Variants in RASGRF1 observed in about 807,000 individuals in gnomAD.
RASGRF1 encodes the protein ras-specific guanine nucleotide-releasing factor 1.
RASGRF1 carries 40 observed loss-of-function variants against 138.7 expected under a neutral mutation model. The ratio of observed to expected loss-of-function variants is 0.29; its 90% confidence interval spans 0.22 to 0.38. The LOEUF is 0.38. RASGRF1 is among the 10% of genes least tolerant of loss of function. The pLI is 1.00. For synonymous variants in RASGRF1, 614 were observed against 663.2 expected, an observed-to-expected ratio of 0.93 and a Z score of 1.14; for missense variants, 1,108 against 1,650.4, an observed-to-expected ratio of 0.67 and a Z score of 5.69.
intron 16 of RASGRF1, among the ~76,000 whole-genome samples, chr15:79,000,331 A>T (rs1415184822): frequency 6.6e-6 from 1 of 152,166 alleles, no homozygotes; most frequent in Non-Finnish European, 1.5e-5. Context: ...AACAATTCAT[A>T]CTGATGGGCT....
chr15:79,066,876 G>A (rs898354684), intron 1 of RASGRF1, among the ~76,000 whole-genome samples: 2 of 152,066 alleles, frequency 1.3e-5, no homozygotes, highest in African/African-American at 4.8e-5. Flanking sequence ...TCAGGAAGCC[G>A]GCCGCAGGCT....
chr15:79,081,959 G>C (rs540530783), intron 1 of RASGRF1, among the ~76,000 whole-genome samples: 3 of 152,194 alleles, frequency 2.0e-5, no homozygotes, highest in African/African-American at 7.2e-5. Context: ...CAGAGTCACC[G>C]AGCTTAATGA....
chr15:79,051,901 G>A (rs1292099601), intron 3 of RASGRF1, among the ~76,000 whole-genome samples: 1 of 152,154 alleles, frequency 6.6e-6, no homozygotes, highest in Non-Finnish European at 1.5e-5. Context: ...ATGGTGGTGG[G>A]AGCCCCAGGC....
At chr15:79,082,216 C>A (rs1441860598) in intron 1 of RASGRF1, among the ~76,000 whole-genome samples, 1 of 152,248 alleles carries the variant, frequency 6.6e-6, no homozygotes, top group Non-Finnish European at 1.5e-5. Context: ...TCCTCTCAGC[C>A]TTTCTGGCGC....
At chr15:79,015,462 GC>G in intron 12 of RASGRF1, 53 bp from the exon 13 acceptor site, 1 of 1,504,714 alleles carries the variant, frequency 6.6e-7, no homozygotes, top group Non-Finnish European at 9.2e-7. Context: ...CTGGACCCAG[GC>G]CCACCAGGAG....
chr15:79,048,706 G>A (rs561970266), intron 4 of RASGRF1, among the ~76,000 whole-genome samples: 4 of 152,368 alleles, frequency 2.6e-5, no homozygotes, highest in South Asian at 4.1e-4. Context: ...AGCCCACTGT[G>A]TGGGATGAAA....
chr15:78,983,920 C>T (rs1195708177), intron 23 of RASGRF1, among the ~76,000 whole-genome samples: 2 of 152,180 alleles, frequency 1.3e-5, no homozygotes, highest in Admixed American at 6.5e-5. Flanking sequence ...ATGGGGTGTC[C>T]CTGCATGTTC....
chr15:78,984,120 G>A (rs1003002862), intron 23 of RASGRF1, among the ~76,000 whole-genome samples: 87 of 152,126 alleles, frequency 5.7e-4, no homozygotes, highest in Non-Finnish European at 2.6e-4. Flanking sequence ...AACAATGAGG[G>A]GGACACAGTA....
intron 10 of RASGRF1, among the ~76,000 whole-genome samples, chr15:79,023,148 T>C (rs1294235779): frequency 6.6e-6 from 1 of 151,668 alleles, no homozygotes; most frequent in African/African-American, 2.4e-5. Flanking sequence ...CACTCCAGTC[T>C]GGGCGATAGA....
chr15:78,973,972 C>T lies in RASGRF1; in HGVS notation c.3495-552G>A, dbSNP rs2055823351. On this transcript the variant is annotated intron_variant, in intron 24 of 26. Transcript: ENST00000558480. The surrounding 1 kb of genome is among the most constrained non-coding windows in gnomAD (Gnocchi z 4.9). ...GGGCTTGGGTGCCAGGGCAGGAAAC[C>T]CTTGCTCTCTGAGATCACTTTCCTG... Among the ~76,000 whole-genome samples, 1 of 152,204 alleles carries T rather than the reference C, an allele frequency of 6.6e-6. No individual in the cohort carries two copies. The highest frequency in any genetic ancestry group is 1.5e-5 in the Non-Finnish European group (1 of 68,026).
intron 12 of RASGRF1, among the ~76,000 whole-genome samples, chr15:79,016,454 G>A (rs1377426389): frequency 1.3e-5 from 2 of 152,236 alleles, no homozygotes; most frequent in South Asian, 2.1e-4. Flanking sequence ...GGCTCAGAGT[G>A]TTATGGAGGC....
intron 1 of RASGRF1, among the ~76,000 whole-genome samples, chr15:79,087,392 C>T (rs761800931): frequency 2.0e-5 from 3 of 152,220 alleles, no homozygotes; most frequent in Non-Finnish European, 4.4e-5. Flanking sequence ...TAGGGGTTCC[C>T]AGCCAAGAGT....
At chr15:79,011,142 G>A (rs1040948184) in intron 13 of RASGRF1, among the ~76,000 whole-genome samples, 6 of 151,850 alleles carry the variant, frequency 4.0e-5, no homozygotes, top group African/African-American at 1.4e-4. Flanking sequence ...GCAGTGGGGA[G>A]CCTGCCACTC....
At chr15:79,036,296 A>T (rs2057221426) in intron 5 of RASGRF1, among the ~76,000 whole-genome samples, 1 of 152,184 alleles carries the variant, frequency 6.6e-6, no homozygotes. Flanking sequence ...ACTGAGGCCC[A>T]GAGAGAGAAA....
chr15:79,059,630 C>G (rs1369275678), intron 2 of RASGRF1, among the ~76,000 whole-genome samples: 1 of 152,142 alleles, frequency 6.6e-6, no homozygotes, highest in African/African-American at 2.4e-5. Flanking sequence ...CCTGACCATG[C>G]ATTTGTGCCC....
chr15:78,990,277 T>A lies in RASGRF1; in HGVS notation c.3132-4A>T, dbSNP rs2056241772. On this transcript the variant is annotated splice_region_variant and splice_polypyrimidine_tract_variant and intron_variant, in intron 21 of 26. Transcript: ENST00000558480. Reference sequence around the variant, plus strand: ...CCATCCTTGTCCGAAGAACTCCCTGTAGGAAGTAAGGGGAGACCCAGGTGG... The same window carrying A: ...CCATCCTTGTCCGAAGAACTCCCTGAAGGAAGTAAGGGGAGACCCAGGTGG... The A allele has an allele frequency of 6.3e-7, 1 of 1,593,406 alleles. No individual in the cohort carries two copies. Among genetic ancestry groups the A allele is most frequent in the South Asian group, 1.1e-5 (1 of 90,644 alleles).
intron 5 of RASGRF1, among the ~76,000 whole-genome samples, chr15:79,038,466 C>A (rs1361190387): frequency 6.6e-6 from 1 of 152,056 alleles, no homozygotes; most frequent in Non-Finnish European, 1.5e-5. Context: ...ATTGCCCAGC[C>A]AACTAAAAAA....
chr15:79,069,979 C>T (rs1251424657), intron 1 of RASGRF1, among the ~76,000 whole-genome samples: 1 of 152,198 alleles, frequency 6.6e-6, no homozygotes, highest in Non-Finnish European at 1.5e-5. Context: ...GGAAGTTTCC[C>T]TGCCATGAGC....
intron 12 of RASGRF1, among the ~76,000 whole-genome samples, chr15:79,017,241 A>C (rs1178015611): frequency 6.6e-6 from 1 of 152,236 alleles, no homozygotes; most frequent in Non-Finnish European, 1.5e-5. Context: ...CCAAAGCAAA[A>C]CTAAATCTTC....
Sources: gnomAD v4.1 joint callset for allele counts (sites outside exome capture counted in the v4.1 genomes callset) on GRCh38, gnomAD v4.1.1 for gene constraint, Gnocchi (gnomAD v3.1) non-coding constraint, MANE v1.5 for transcripts, NCBI Gene and HGNC (gene_info 2026-07-23, HGNC 2026-07-21) for gene names.